MCRS1: variants seen among roughly 807,000 people sequenced by gnomAD.
MCRS1 encodes the protein microspherule protein 1.
MCRS1 carries 22 observed loss-of-function variants against 62.9 expected under a neutral mutation model. The ratio of observed to expected loss-of-function variants is 0.35; its 90% CI spans 0.25 to 0.50. The LOEUF is 0.50. MCRS1 is among the 20% of genes least tolerant of loss of function. MCRS1 has a pLI of 0.98. For missense variants in MCRS1, 456 were observed against 601.1 expected, an observed-to-expected ratio of 0.76 and a Z score of 2.52; for synonymous variants, 244 against 233.5, an observed-to-expected ratio of 1.04 and a Z score of -0.41.
chr12:49,561,997 G>T (rs1565790041), intron 8 of MCRS1, among the ~76,000 whole-genome samples: 1 of 152,208 alleles, frequency 6.6e-6, no homozygotes, highest in Non-Finnish European at 1.5e-5. Context: ...TTCTCTCTGT[G>T]GGAATTCTGT....
intron 1 of MCRS1, 81 bp from the exon 2 acceptor site, chr12:49,566,922 C>T (rs1939094599): frequency 2.8e-6 from 2 of 705,244 alleles, no homozygotes; most frequent in Non-Finnish European, 4.8e-6. Flanking sequence ...TCAGGTCCCC[C>T]AGGGTCCCAT....
intron 1 of MCRS1, among the ~76,000 whole-genome samples, chr12:49,567,358 C>T (rs754495422): frequency 6.6e-6 from 1 of 151,502 alleles, no homozygotes; most frequent in Non-Finnish European, 1.5e-5. Context: ...CATGAGATAC[C>T]ATCTCGTGGA....
chr12:49,559,171 C>T lies in MCRS1; in HGVS notation c.1174+43G>A, dbSNP rs370620964. On this transcript the variant is annotated intron_variant, in intron 13 of 14. Transcript: ENST00000343810. The surrounding 1 kb of genome is among the most constrained non-coding windows in gnomAD (Gnocchi z 5.2). Reference sequence around the variant, plus strand: ...AAGGACAGCGAGAGGCTGGGAGGGACGACCTCACACTGCTTCCTGCTGGGG... The same window carrying T: ...AAGGACAGCGAGAGGCTGGGAGGGATGACCTCACACTGCTTCCTGCTGGGG... 393 of 1,595,230 alleles carry T rather than the reference C, an allele frequency of 2.5e-4. 4 individuals carry two copies. The South Asian group carries it at 2.6e-3, about 11-fold the overall frequency.
intron 6 of MCRS1, 78 bp from the exon 7 acceptor site, chr12:49,563,624 A>T (rs556222707): frequency 9.2e-7 from 1 of 1,091,690 alleles, no homozygotes; most frequent in Non-Finnish European, 1.3e-6. Flanking sequence ...TTTCCCCCAA[A>T]CCTACAGGCT....
Position 49,558,613 on chromosome 12 carries a change from G to A in MCRS1, c.*30C>T. On this transcript the variant is annotated 3_prime_UTR_variant, in exon 15 of 15. Coordinates refer to ENST00000343810, the MANE Select transcript of MCRS1 (RefSeq NM_006337.5). Reference sequence around the variant, plus strand: ...CTGGAGTGGCAGGGGAAACAGGCCGGAGAGGGCCCACGAGTCCTGCCACCA... The same window carrying A: ...CTGGAGTGGCAGGGGAAACAGGCCGAAGAGGGCCCACGAGTCCTGCCACCA... 6.2e-7 allele frequency: 1 copy of A among 1,605,018 alleles called. No homozygotes were observed. Among genetic ancestry groups the A allele is most frequent in the Non-Finnish European group, 8.5e-7 (1 of 1,175,370 alleles).
At position 49,562,152 on chromosome 12, in the gene MCRS1, T is replaced by C. The variant is rs17198090; in HGVS notation, c.805+849A>G. On this transcript the variant is annotated intron_variant, in intron 8 of 14. Transcript: ENST00000343810. ...ATTTCCTAAAATGCTCCTGCAGGAA[T>C]CCTTTTTCCTAAGCAGAAGCTGCGG... Among the ~76,000 whole-genome samples, 1,421 of 152,288 alleles carry C rather than the reference T, an allele frequency of 9.3e-3. 5 individuals are homozygous for C. The highest frequency in any genetic ancestry group is 0.015 in the Non-Finnish European group (1,035 of 68,014).
chr12:49,559,868 C>T lies in MCRS1; in HGVS notation c.911-47G>A, dbSNP rs1341491309. ...AGGAGGGATGCTCTGAGGCCACCAG[C>T]ACCTTGTACTGGTCCTCTTGATTCT... On this transcript the variant is annotated intron_variant, in intron 10 of 14. Transcript: ENST00000343810. This position sits in a 1 kb window ranked among gnomAD's most constrained non-coding sequence, Gnocchi z 5.2. 1.2e-6 allele frequency: 2 copies of T among 1,612,066 alleles called. No individual in the cohort carries two copies. Among genetic ancestry groups the T allele is most frequent in the African/African-American group, 2.7e-5 (2 of 75,012 alleles).
chr12:49,559,377 G>A lies in MCRS1; in HGVS notation c.1086+76C>T, dbSNP rs764049768. On this transcript the variant is annotated intron_variant, in intron 12 of 14. Coordinates refer to ENST00000343810, the MANE Select transcript of MCRS1 (RefSeq NM_006337.5). This position sits in a 1 kb window ranked among gnomAD's most constrained non-coding sequence, Gnocchi z 5.2. ...GGTCTATGCAGGCCAGAGAAAGATG[G>A]GAAACCAAGGACTACGCAGAGAAAG... The A allele has an allele frequency of 1.2e-6, 2 of 1,608,790 alleles. No individual in the cohort carries two copies. The highest frequency in any genetic ancestry group is 8.5e-7 in the Non-Finnish European group (1 of 1,175,312).
chr12:49,567,212 C>T (rs925629499), intron 1 of MCRS1, among the ~76,000 whole-genome samples: 4 of 152,108 alleles, frequency 2.6e-5, no homozygotes, highest in Non-Finnish European at 4.4e-5. Context: ...CTCAGCTCAG[C>T]AGCACCAGCC....
Position 49,559,892 on chromosome 12 carries a change from C to T in MCRS1, c.910+47G>A, listed in dbSNP as rs778486278. 1.2e-6 allele frequency: 2 copies of T among 1,614,152 alleles called. No homozygotes were observed. Among genetic ancestry groups the T allele is most frequent in the Non-Finnish European group, 1.7e-6 (2 of 1,179,984 alleles). On this transcript the variant is annotated intron_variant, in intron 10 of 14. Transcript: ENST00000343810. This position sits in a 1 kb window ranked among gnomAD's most constrained non-coding sequence, Gnocchi z 5.2. Reference sequence around the variant, plus strand: ...GCACCTTGTACTGGTCCTCTTGATTCTGGCAGGAGCTTCCATCCCCTCACC... The same window carrying T: ...GCACCTTGTACTGGTCCTCTTGATTTTGGCAGGAGCTTCCATCCCCTCACC...
intron 14 of MCRS1, 35 bp from the exon 15 acceptor site, chr12:49,558,764 T>C (rs759806892): frequency 6.2e-7 from 1 of 1,613,332 alleles, no homozygotes; most frequent in South Asian, 1.1e-5. Flanking sequence ...AAGACAGAGG[T>C]GGCACCAGGA....
rs749614744 is a variant in MCRS1, at chr12:49,566,261, G to A, written c.11-46C>T. The A allele has an allele frequency of 5.0e-6, 8 of 1,590,126 alleles. No homozygotes were observed. The African/African-American group carries it at 1.1e-4, about 21-fold the overall frequency. The stretch of plus-strand genomic sequence containing the variant: ...GATTCGGGCCTCCTAAGATCCTAGA[G>A]CCTCTGCAAATGGGACCCCTCCCCA... On this transcript the variant is annotated intron_variant, in intron 2 of 14. Coordinates refer to ENST00000343810, the MANE Select transcript of MCRS1 (RefSeq NM_006337.5).
intron 9 of MCRS1, 96 bp downstream of exon 9, chr12:49,560,199 G>C: frequency 7.2e-7 from 1 of 1,382,792 alleles, no homozygotes. Flanking sequence ...AAGCACCAAC[G>C]GGAGCCCAAG....
intron 4 of MCRS1, 131 bp from the exon 5 acceptor site, chr12:49,565,026 A>G (rs1178029273): frequency 7.1e-7 from 1 of 1,414,930 alleles, no homozygotes; most frequent in Admixed American, 2.9e-5. Flanking sequence ...TCCAGCCCAC[A>G]ACAGGAAGCA....
intron 2 of MCRS1, chr12:49,566,515 C>A (rs1162263257): frequency 6.6e-7 from 1 of 1,520,222 alleles, no homozygotes; most frequent in African/African-American, 1.4e-5. Context: ...GCTCCCTCTG[C>A]CATCAAAATG....
intron 8 of MCRS1, among the ~76,000 whole-genome samples, chr12:49,562,305 C>A (rs185117588): frequency 6.6e-6 from 1 of 152,310 alleles, no homozygotes; most frequent in East Asian, 1.9e-4. Context: ...AATCAGAACC[C>A]GAATTACAGA....
At chr12:49,561,455 C>T (rs992622451) in intron 8 of MCRS1, among the ~76,000 whole-genome samples, 7 of 152,192 alleles carry the variant, frequency 4.6e-5, no homozygotes, top group African/African-American at 7.2e-5. Context: ...TCTCATCTTC[C>T]GCTGACTTGA....
chr12:49,562,890 T>C, intron 8 of MCRS1, 111 bp downstream of exon 8: 2 of 1,354,292 alleles, frequency 1.5e-6, no homozygotes, highest in African/African-American at 1.5e-5. Context: ...ACACTGGGGA[T>C]CACTGAGGAA....
chr12:49,566,448 G>C (rs1393137545), intron 2 of MCRS1: 12 of 1,568,548 alleles, frequency 7.7e-6, no homozygotes, highest in Non-Finnish European at 1.0e-5. Flanking sequence ...ATGTCGTGCA[G>C]CACATGGTGC....
Sources: gnomAD v4.1 joint callset for allele counts (sites outside exome capture counted in the v4.1 genomes callset) on GRCh38, gnomAD v4.1.1 for gene constraint, Gnocchi (gnomAD v3.1) non-coding constraint, MANE v1.5 for transcripts, NCBI Gene and HGNC (gene_info 2026-07-23, HGNC 2026-07-21) for gene names.